The following PLA2G4E variants were observed in gnomAD, a reference collection of about 807,000 sequenced individuals.
PLA2G4E encodes the protein phospholipase A2 group IVE, also known as cytosolic phospholipase A2 epsilon.
PLA2G4E carries 84 observed loss-of-function variants against 109.1 expected under a neutral mutation model. The ratio of observed to expected loss-of-function variants is 0.77; its 90% CI spans 0.65 to 0.92. The LOEUF (loss-of-function observed/expected upper bound fraction) is 0.92. PLA2G4E is among the 40% of genes least tolerant of loss of function. The probability of loss-of-function intolerance (pLI) is 0.00; values close to 1 mark genes in which losing one functional copy is unlikely to be tolerated. For missense variants in PLA2G4E, 1,057 were observed against 1,076.6 expected (o/e 0.98, Z 0.25); for synonymous variants, 469 against 436.1 (o/e 1.08, Z -0.94).
chr15:42,029,900 T>C (rs1468038205), intron 1 of PLA2G4E, among the ~76,000 whole-genome samples: 2 of 152,094 alleles, frequency 1.3e-5, no homozygotes, highest in Non-Finnish European at 2.9e-5. Context: ...CCAATTTAAG[T>C]TGGATGAGGC....
At chr15:42,049,030 C>T (rs1369876662) in intron 1 of PLA2G4E, among the ~76,000 whole-genome samples, 5 of 152,232 alleles carry the variant, frequency 3.3e-5, no homozygotes, top group Non-Finnish European at 2.9e-5. Context: ...CATCCCCCTC[C>T]AGCGTATCAA....
chr15:42,000,384 A>C (rs2068404563), intron 7 of PLA2G4E, 102 bp from the exon 8 acceptor site: 1 of 1,137,896 alleles, frequency 8.8e-7, no homozygotes, highest in South Asian at 1.6e-5. Context: ...GGAGGAGTTT[A>C]GAATCACCTG....
chr15:42,040,761 A>C (rs1889301326), intron 1 of PLA2G4E, among the ~76,000 whole-genome samples: 1 of 152,242 alleles, frequency 6.6e-6, no homozygotes, highest in South Asian at 2.1e-4. Flanking sequence ...ACTTCGCTGA[A>C]CATTGGAATC....
intron 1 of PLA2G4E, among the ~76,000 whole-genome samples, chr15:42,045,077 A>C (rs1889390338): frequency 6.6e-6 from 1 of 152,186 alleles, no homozygotes; most frequent in Admixed American, 6.5e-5. Flanking sequence ...GTGACCCAGC[A>C]GGTGAAGGTA....
intron 1 of PLA2G4E, among the ~76,000 whole-genome samples, chr15:42,017,038 G>A (rs530969430): frequency 2.6e-5 from 4 of 152,364 alleles, no homozygotes; most frequent in African/African-American, 9.6e-5. Context: ...CAGGCAAGCA[G>A]TTTTGGCAAA....
At chr15:42,022,290 T>C (rs1252030214) in intron 1 of PLA2G4E, among the ~76,000 whole-genome samples, 1 of 152,156 alleles carries the variant, frequency 6.6e-6, no homozygotes, top group Non-Finnish European at 1.5e-5. Flanking sequence ...TGAAGATCCA[T>C]GGTTTACAGC....
intron 3 of PLA2G4E, among the ~76,000 whole-genome samples, chr15:42,007,357 C>A (rs111555976): frequency 6.6e-6 from 1 of 152,082 alleles, no homozygotes; most frequent in African/African-American, 2.4e-5. Flanking sequence ...GGGAGAGAAC[C>A]CTCTGGCTGG....
chr15:42,032,779 C>T (rs555935563), intron 1 of PLA2G4E, among the ~76,000 whole-genome samples: 1 of 152,226 alleles, frequency 6.6e-6, no homozygotes, highest in South Asian at 2.1e-4. Context: ...AAGACACAGA[C>T]TAAAAATTGT....
At chr15:42,048,622 G>A (rs1668543) in intron 1 of PLA2G4E, among the ~76,000 whole-genome samples, 14,361 of 152,112 alleles carry the variant, frequency 0.094, 726 homozygotes, top group South Asian at 0.19. Context: ...GAGAAATCAC[G>A]GTAAAGTCAT....
At chr15:42,026,857 C>A (rs1013758850) in intron 1 of PLA2G4E, among the ~76,000 whole-genome samples, 1 of 151,806 alleles carries the variant, frequency 6.6e-6, no homozygotes, top group Admixed American at 6.6e-5. Flanking sequence ...CCTAGAATCC[C>A]AGCTACTCAG....
chr15:41,999,851 C>A, intron 9 of PLA2G4E, 66 bp downstream of exon 9: 1 of 1,480,154 alleles, frequency 6.8e-7, no homozygotes, highest in Non-Finnish European at 9.3e-7. Context: ...AGGCTCTCCC[C>A]ACCTCCCTAC....
intron 1 of PLA2G4E, among the ~76,000 whole-genome samples, chr15:42,048,887 T>C (rs897122429): frequency 5.9e-5 from 9 of 152,190 alleles, no homozygotes; most frequent in Non-Finnish European, 1.0e-4. Flanking sequence ...AGCCATTATG[T>C]TTTCGTTGCT....
rs372802419 is a variant in PLA2G4E at position 42,001,225 on chromosome 15, A to G, written c.610-5T>C. On this transcript the variant is annotated splice_polypyrimidine_tract_variant and splice_region_variant and intron_variant, in intron 6 of 19. Coordinates refer to ENST00000399518, the Ensembl canonical transcript of PLA2G4E. ...CAGGCAGGAGACTTGTCGAGACTGT[A>G]AAAAACAAAGGAGGGTCACAGAGTG... 4.3e-5 allele frequency: 70 copies of G among 1,611,810 alleles called. No homozygotes were observed. Among genetic ancestry groups the G allele is most frequent in the Non-Finnish European group, 5.4e-5 (64 of 1,178,068 alleles).
chr15:42,016,375 A>T (rs1042685691), intron 1 of PLA2G4E, among the ~76,000 whole-genome samples: 4 of 150,324 alleles, frequency 2.7e-5, no homozygotes, highest in Non-Finnish European at 5.9e-5. Flanking sequence ...TCACTCTGTC[A>T]TATAGGCTGG....
intron 1 of PLA2G4E, among the ~76,000 whole-genome samples, chr15:42,015,543 T>A (rs955173588): frequency 6.6e-6 from 1 of 152,264 alleles, no homozygotes; most frequent in Non-Finnish European, 1.5e-5. Flanking sequence ...TCTGAATGAA[T>A]GAACCATCTT....
chr15:42,013,655 GAGA>G (rs1301309043), intron 2 of PLA2G4E, 27 bp downstream of exon 2: 2 of 1,406,790 alleles, frequency 1.4e-6, no homozygotes, highest in Non-Finnish European at 1.9e-6. Context: ...CCGGTAAGCA[GAGA>G]AGGAGAGAAG....
chr15:42,004,338 G>A (rs2068451786), intron 5 of PLA2G4E, among the ~76,000 whole-genome samples: 2 of 150,856 alleles, frequency 1.3e-5, no homozygotes, highest in South Asian at 4.2e-4. Flanking sequence ...AGGAAAGAAA[G>A]GGAAAGAAAG....
intron 13 of PLA2G4E, 28 bp downstream of exon 13, chr15:41,992,709 T>G: frequency 6.2e-7 from 1 of 1,601,850 alleles, no homozygotes; most frequent in Non-Finnish European, 8.5e-7. Flanking sequence ...CAGGGCAGGG[T>G]GGGGCCCAGG....
At chr15:42,000,146 G>A (rs1405121303) in exon 8 of PLA2G4E, 1 of 1,594,764 alleles carries the variant, frequency 6.3e-7, no homozygotes, top group South Asian at 1.1e-5. Flanking sequence ...CGTGCACCTG[G>A]GACTGGAAGT....
Sources: allele counts gnomAD v4.1 joint callset (sites outside exome capture counted in the v4.1 genomes callset), GRCh38; gene constraint gnomAD v4.1.1; transcripts MANE v1.5; gene names NCBI Gene and HGNC (gene_info 2026-07-23, HGNC 2026-07-21).